The following FCHSD2 variants were observed in gnomAD, a reference collection of about 807,000 sequenced individuals.
FCHSD2 encodes the protein F-BAR and double SH3 domains protein 2.
A neutral mutation model predicts 108.1 loss-of-function variants in FCHSD2; 38 were observed. The observed-to-expected ratio is 0.35, with a 90% CI of 0.27 to 0.46. The LOEUF (loss-of-function observed/expected upper bound fraction) is 0.46, where lower values mean the gene tolerates loss of function less well. Ranked by LOEUF, FCHSD2 falls within the 20% of genes least tolerant of loss-of-function variation. The probability of loss-of-function intolerance (pLI) is 1.00; values close to 1 mark genes in which losing one functional copy is unlikely to be tolerated. For missense variants in FCHSD2, 751 were observed against 897.8 expected (o/e 0.84, Z 2.09); for synonymous variants, 279 against 314.7 (o/e 0.89, Z 1.20).
At position 72,991,610 on chromosome 11, in the gene FCHSD2, G is replaced by T. The variant is rs190778787; in HGVS notation, c.388-2513C>A. 1.3e-3 allele frequency among the ~76,000 whole-genome samples: 203 copies of T among 152,116 alleles called. 2 individuals are homozygous for T. Among genetic ancestry groups the T allele is most frequent in the East Asian group, 0.01 (53 of 5,182 alleles). ...GGGATGCAAGGCTGGTTCAACATAC[G>T]CAAATCAATAAACATAATCCAGCAT... On this transcript the variant is annotated intron_variant, in intron 5 of 19. Coordinates refer to ENST00000409418, the MANE Select transcript of FCHSD2 (RefSeq NM_014824.3).
chr11:73,053,965 T>C (rs1858962104), intron 3 of FCHSD2, among the ~76,000 whole-genome samples: 1 of 152,216 alleles, frequency 6.6e-6, no homozygotes, highest in Admixed American at 6.5e-5. Flanking sequence ...TTTTATTGTA[T>C]TTTACAAAAA....
intron 3 of FCHSD2, among the ~76,000 whole-genome samples, chr11:73,030,554 T>C (rs1425309188): frequency 1.3e-5 from 2 of 152,142 alleles, no homozygotes; most frequent in Non-Finnish European, 2.9e-5. Flanking sequence ...GGGCATTGTA[T>C]AAGGTCTCTT....
chr11:72,896,816 T>TTTTTGTTTTG (rs796577188), intron 10 of FCHSD2, among the ~76,000 whole-genome samples: 2 of 148,378 alleles, frequency 1.3e-5, no homozygotes, highest in African/African-American at 5.0e-5. Context: ...GCCTTGTGGA[T>TTTTTGTTTTG]TTTTGTTTTG....
chr11:73,086,529 A>T (rs1859821162), intron 2 of FCHSD2, among the ~76,000 whole-genome samples: 1 of 152,216 alleles, frequency 6.6e-6, no homozygotes, highest in African/African-American at 2.4e-5. Flanking sequence ...GGAAATATTA[A>T]TAATAAAGAT....
chr11:73,007,246 T>C (rs773056586), intron 4 of FCHSD2, among the ~76,000 whole-genome samples: 2 of 152,222 alleles, frequency 1.3e-5, no homozygotes, highest in Non-Finnish European at 2.9e-5. Flanking sequence ...AAGTTCATGC[T>C]GTGAACGATT....
intron 8 of FCHSD2, among the ~76,000 whole-genome samples, chr11:72,955,229 C>T (rs536195235): frequency 3.9e-5 from 6 of 152,164 alleles, no homozygotes; most frequent in African/African-American, 9.6e-5. Context: ...TTCTTAGGGT[C>T]GATTAGTTTG....
chr11:72,967,867 G>A (rs1591443169), intron 8 of FCHSD2, among the ~76,000 whole-genome samples: 2 of 151,898 alleles, frequency 1.3e-5, no homozygotes, highest in Admixed American at 6.6e-5. Flanking sequence ...CGAGGCGGGC[G>A]GATCACGAGG....
chr11:72,846,023 C>T (rs921550257), intron 14 of FCHSD2, among the ~76,000 whole-genome samples: 2 of 151,922 alleles, frequency 1.3e-5, no homozygotes, highest in Non-Finnish European at 2.9e-5. Flanking sequence ...ATATCTTCCT[C>T]ATAGGGTTAT....
In FCHSD2 at chr11:72,838,626, T is replaced by C. The variant is rs1053568448; in HGVS notation, c.*165A>G. The C allele has an allele frequency of 1.2e-5, 7 of 602,344 alleles. No individual in the cohort carries two copies. The highest frequency in any genetic ancestry group is 2.1e-5 in the Non-Finnish European group (7 of 339,182). 37.3% of individuals were successfully genotyped at this position (602,344 alleles called of 1,614,324 possible). ...CAACAAAAAAAAAAGGCACGAAATA[T>C]TCAAAACGTGGGAGGAGTCTACCAG... On this transcript the variant is annotated 3_prime_UTR_variant, in exon 20 of 20. Coordinates refer to ENST00000409418, the MANE Select transcript of FCHSD2 (RefSeq NM_014824.3).
intron 8 of FCHSD2, among the ~76,000 whole-genome samples, chr11:72,930,660 G>C (rs1856170947): frequency 6.6e-6 from 1 of 152,158 alleles, no homozygotes; most frequent in Non-Finnish European, 1.5e-5. Context: ...CATAAGAATT[G>C]CTAGAACCTG....
At chr11:72,962,555 G>A (rs538572341) in intron 8 of FCHSD2, among the ~76,000 whole-genome samples, 1 of 150,870 alleles carries the variant, frequency 6.6e-6, no homozygotes, top group South Asian at 2.1e-4. Flanking sequence ...TTTTTGAGAT[G>A]TTTTTCTTCA....
chr11:73,058,713 A>G lies in FCHSD2; in HGVS notation c.165+24982T>C, dbSNP rs147623099. Reference sequence around the variant, plus strand: ...CAGGTTCAAGCAATTCTCCTGCCTCAGCCTCCCGAGTACCTGGCTAATTTT... The same window carrying G: ...CAGGTTCAAGCAATTCTCCTGCCTCGGCCTCCCGAGTACCTGGCTAATTTT... On this transcript the variant is annotated intron_variant, in intron 3 of 19. Transcript: ENST00000409418. 3.1e-3 allele frequency among the ~76,000 whole-genome samples: 464 copies of G among 151,028 alleles called. 1 individual carries two copies. The highest frequency in any genetic ancestry group is 0.011 in the African/African-American group (444 of 41,078).
At chr11:72,965,430 G>C (rs1334828777) in intron 8 of FCHSD2, among the ~76,000 whole-genome samples, 4 of 152,136 alleles carry the variant, frequency 2.6e-5, no homozygotes, top group African/African-American at 9.7e-5. Flanking sequence ...CATTCTACCA[G>C]GTGAGACAAA....
chr11:72,895,320 G>A (rs1318623407), intron 10 of FCHSD2, among the ~76,000 whole-genome samples: 2 of 152,120 alleles, frequency 1.3e-5, no homozygotes, highest in African/African-American at 4.8e-5. Context: ...CTTTTGTCTT[G>A]GATTAAGAGT....
chr11:72,862,333 T>C (rs1861595653), intron 13 of FCHSD2, among the ~76,000 whole-genome samples: 1 of 152,232 alleles, frequency 6.6e-6, no homozygotes, highest in South Asian at 2.1e-4. Flanking sequence ...GACACGGTTA[T>C]ATAGAAAATC....
chr11:73,003,738 G>A (rs113593662), intron 4 of FCHSD2, among the ~76,000 whole-genome samples: 6,688 of 151,146 alleles, frequency 0.044, 212 homozygotes, highest in Non-Finnish European at 0.066. Context: ...CGCCCGCCTC[G>A]GCCTCCCAAA....
rs575614788 is a variant in FCHSD2, at chr11:73,133,908, T to C, written c.119+6123A>G. 4.6e-5 allele frequency among the ~76,000 whole-genome samples: 7 copies of C among 151,574 alleles called. No homozygotes were observed. In the East Asian group the frequency reaches 5.8e-4, roughly 13 times the overall value. On this transcript the variant is annotated intron_variant, in intron 2 of 19. Coordinates refer to ENST00000409418, the MANE Select transcript of FCHSD2 (RefSeq NM_014824.3). ...GGTTGCTTAAGGCTGGAGAGGGTTA[T>C]GGGGAGCGACTGCTAATGGGTACCA...
intron 13 of FCHSD2, among the ~76,000 whole-genome samples, chr11:72,855,846 T>C (rs1272570752): frequency 1.3e-5 from 2 of 152,162 alleles, no homozygotes; most frequent in Non-Finnish European, 2.9e-5. Flanking sequence ...GAATAAAGAC[T>C]GGAGAATAGA....
chr11:72,883,791 G>C (rs1476481617), intron 12 of FCHSD2, among the ~76,000 whole-genome samples: 4 of 152,082 alleles, frequency 2.6e-5, no homozygotes, highest in African/African-American at 9.7e-5. Flanking sequence ...AATTAGCCAG[G>C]CATGGTGGAG....
Sources: allele counts gnomAD v4.1 joint callset (sites outside exome capture counted in the v4.1 genomes callset), GRCh38; gene constraint gnomAD v4.1.1; transcripts MANE v1.5; gene names NCBI Gene and HGNC (gene_info 2026-07-23, HGNC 2026-07-21).